MBD5: variants seen among roughly 807,000 people sequenced by gnomAD.
The protein encoded by MBD5 is methyl-CpG binding domain protein 5, also known as methyl-CpG-binding domain protein 5.
Under a neutral mutation model 117.3 loss-of-function variants are expected in MBD5, and 13 were observed. The observed-to-expected ratio is 0.11, with a 90% confidence interval of 0.07 to 0.18. The LOEUF is 0.18. Ranked by LOEUF, MBD5 falls within the 10% of genes least tolerant of loss-of-function variation. MBD5 has a pLI of 1.00. For synonymous variants in MBD5, 727 were observed against 766.4 expected (o/e 0.95, Z 0.85); for missense variants, 1,879 against 2,093.8 (o/e 0.90, Z 2.00).
chr2:148,370,945 C>A (rs1318805673), intron 4 of MBD5, among the ~76,000 whole-genome samples: 1 of 152,028 alleles, frequency 6.6e-6, no homozygotes, highest in Non-Finnish European at 1.5e-5. Flanking sequence ...CAAGTATTTG[C>A]AAATATATGA....
At chr2:148,035,831 G>A (rs575232892) in intron 1 of MBD5, among the ~76,000 whole-genome samples, 3 of 152,000 alleles carry the variant, frequency 2.0e-5, no homozygotes, top group Non-Finnish European at 4.4e-5. Context: ...CCACCTCAGG[G>A]TTATTTAGTG....
intron 1 of MBD5, among the ~76,000 whole-genome samples, chr2:148,090,228 C>A (rs1385671241): frequency 1.3e-5 from 2 of 151,912 alleles, no homozygotes; most frequent in African/African-American, 4.8e-5. Flanking sequence ...AGTCCAGAAC[C>A]AGATGGATTC....
At chr2:148,507,455 A>G (rs1333786943) in intron 12 of MBD5, among the ~76,000 whole-genome samples, 2 of 152,244 alleles carry the variant, frequency 1.3e-5, no homozygotes, top group Non-Finnish European at 2.9e-5. Flanking sequence ...GATAATGTAT[A>G]TAGAGTTTTA....
chr2:148,266,262 C>T (rs1332406764), intron 3 of MBD5, among the ~76,000 whole-genome samples: 1 of 151,938 alleles, frequency 6.6e-6, no homozygotes, highest in Non-Finnish European at 1.5e-5. Flanking sequence ...TCAGTGTAAT[C>T]TGTAACATTG....
intron 4 of MBD5, among the ~76,000 whole-genome samples, chr2:148,345,354 C>T (rs1179456274): frequency 2.2e-5 from 3 of 133,574 alleles, no homozygotes; most frequent in South Asian, 2.2e-4. Context: ...TACATATACA[C>T]ATATACACAT....
chr2:148,458,720 T>C lies in MBD5; in HGVS notation c.-39T>C. The C allele has an allele frequency of 6.7e-7, 1 of 1,500,314 alleles. No individual in the cohort carries two copies. 92.9% of individuals were successfully genotyped at this position (1,500,314 alleles called of 1,614,324 possible). A position where few individuals can be genotyped will look rare whatever the true frequency, so the allele number is the denominator to read the frequency against. On this transcript the variant is annotated 5_prime_UTR_variant, in exon 5 of 14. Transcript: ENST00000642680. ...TCTGTAATATAAGGATATCATCTTA[T>C]TGCTGATATCTTTGGAGAGTCCCTA...
intron 1 of MBD5, among the ~76,000 whole-genome samples, chr2:148,032,489 A>C (rs1323897574): frequency 6.6e-6 from 1 of 152,100 alleles, no homozygotes; most frequent in Non-Finnish European, 1.5e-5. Flanking sequence ...GGAAGAAGGA[A>C]TAGCATATAC....
chr2:148,477,575 A>G (rs1019834740), intron 8 of MBD5, among the ~76,000 whole-genome samples: 1 of 152,100 alleles, frequency 6.6e-6, no homozygotes, highest in South Asian at 2.1e-4. Context: ...ATTCTCATAA[A>G]AGTTATCTTT....
intron 4 of MBD5, among the ~76,000 whole-genome samples, chr2:148,367,154 A>C (rs1306852438): frequency 1.3e-5 from 2 of 152,200 alleles, no homozygotes; most frequent in African/African-American, 4.8e-5. Context: ...AACAGAACAG[A>C]GGCCTCAGAA....
intron 1 of MBD5, chr2:148,071,379 A>G (rs1360015591): frequency 6.6e-6 from 1 of 151,902 alleles, no homozygotes; most frequent in Non-Finnish European, 1.5e-5. Flanking sequence ...GCAGGAAGCC[A>G]CAATTATTGA....
intron 1 of MBD5, among the ~76,000 whole-genome samples, chr2:148,091,659 A>G (rs986536211): frequency 4.6e-5 from 7 of 152,208 alleles, no homozygotes; most frequent in Non-Finnish European, 7.3e-5. Context: ...AAATCCATTC[A>G]AGACAGATCA....
At chr2:148,162,119 T>C (rs1285020287) in intron 1 of MBD5, among the ~76,000 whole-genome samples, 1 of 152,226 alleles carries the variant, frequency 6.6e-6, no homozygotes, top group Non-Finnish European at 1.5e-5. Context: ...TAAGCAGTGA[T>C]TGGCAGGTTT....
chr2:148,323,924 A>G (rs970556551), intron 3 of MBD5, among the ~76,000 whole-genome samples: 3 of 152,152 alleles, frequency 2.0e-5, no homozygotes, highest in African/African-American at 4.8e-5. Context: ...GCCCATGCCT[A>G]TGTCTTGAAT....
At position 148,021,419 on chromosome 2, in the gene MBD5, G is replaced by C. The variant is rs927288921; in HGVS notation, c.-1190G>C. ...TTTGGCCGTGAGAGGAGGAGAGAAAGAAACCAAAAGCCTCTTAGCAACACA... is the reference window on the plus strand; with the variant it reads ...TTTGGCCGTGAGAGGAGGAGAGAAACAAACCAAAAGCCTCTTAGCAACACA... On this transcript the variant is annotated 5_prime_UTR_variant, in exon 1 of 14. Coordinates refer to ENST00000642680, the MANE Select transcript of MBD5 (RefSeq NM_001378120.1). 1.8e-6 allele frequency: 1 copy of C among 540,680 alleles called. No homozygotes were observed. The highest frequency in any genetic ancestry group is 3.6e-6 in the Non-Finnish European group (1 of 279,028). The allele number at this position is 540,680 out of a possible 1,614,324, so 33.5% of individuals were successfully genotyped here. A position where few individuals can be genotyped will look rare whatever the true frequency, so the allele number is the denominator to read the frequency against.
intron 2 of MBD5, among the ~76,000 whole-genome samples, chr2:148,216,799 ACTT>A (rs1246074021): frequency 1.3e-5 from 2 of 151,964 alleles, no homozygotes; most frequent in African/African-American, 4.8e-5. Flanking sequence ...CACAATCTTT[ACTT>A]CTTCCGCTGA....
At chr2:148,169,951 G>T (rs1414878400) in intron 1 of MBD5, among the ~76,000 whole-genome samples, 2 of 150,370 alleles carry the variant, frequency 1.3e-5, no homozygotes, top group Non-Finnish European at 2.9e-5. Flanking sequence ...AGGCTGGAGT[G>T]CAGTGGCGCG....
chr2:148,209,894 A>G (rs1699378205), intron 2 of MBD5, among the ~76,000 whole-genome samples: 1 of 152,114 alleles, frequency 6.6e-6, no homozygotes, highest in Non-Finnish European at 1.5e-5. Flanking sequence ...TGAGCTAGCT[A>G]TTTGTCCCCA....
chr2:148,234,224 C>A (rs915972846), intron 3 of MBD5, among the ~76,000 whole-genome samples: 21 of 151,996 alleles, frequency 1.4e-4, no homozygotes, highest in East Asian at 5.8e-4. Context: ...GAAATGTAAT[C>A]TTTCAAGGGA....
intron 1 of MBD5, among the ~76,000 whole-genome samples, chr2:148,087,181 AGCAGCAGGCT>A (rs1262602160): frequency 6.6e-6 from 1 of 152,200 alleles, no homozygotes; most frequent in African/African-American, 2.4e-5. Context: ...CTTTGAAAGC[AGCAGCAGGCT>A]GCTGCAAATT....
Sources: allele counts gnomAD v4.1 joint callset (sites outside exome capture counted in the v4.1 genomes callset), GRCh38; gene constraint gnomAD v4.1.1; transcripts MANE v1.5; gene names NCBI Gene and HGNC (gene_info 2026-07-23, HGNC 2026-07-21).